ANK3: variants seen among roughly 807,000 people sequenced by gnomAD.
The protein encoded by ANK3 is ankyrin 3.
In ANK3, 57 loss-of-function variants were observed where a neutral mutation model predicts 370.9. The observed-to-expected ratio is 0.15, with a 90% CI of 0.12 to 0.19. ANK3 has a LOEUF of 0.19. Among genes scored for constraint, ANK3 ranks in the 10% least tolerant of loss-of-function variants. The pLI is 1.00. For missense variants in ANK3, 4,439 were observed against 5,302.1 expected (o/e 0.84, Z 5.06); for synonymous variants, 1,929 against 1,946.3 (o/e 0.99, Z 0.23).
chr10:60,570,288 T>A (rs150481358), intron 2 of ANK3, among the ~76,000 whole-genome samples: 1 of 152,260 alleles, frequency 6.6e-6, no homozygotes, highest in Non-Finnish European at 1.5e-5. Context: ...AAAGTAGGTA[T>A]CTGATAGCTT....
At chr10:60,538,785 A>T (rs2076781464) in intron 2 of ANK3, among the ~76,000 whole-genome samples, 1 of 152,032 alleles carries the variant, frequency 6.6e-6, no homozygotes, top group Non-Finnish European at 1.5e-5. Context: ...ACTGAATGAG[A>T]CACATACCAA....
At chr10:60,084,982 T>C (rs1357828956) in intron 31 of ANK3, 152 bp from the exon 32 acceptor site, 4 of 758,384 alleles carry the variant, frequency 5.3e-6, no homozygotes, top group Non-Finnish European at 6.1e-6. Flanking sequence ...GCTTTTTCGA[T>C]GTATCAAACA....
intron 24 of ANK3, chr10:60,138,460 AAC>A (rs2094442920): frequency 2.6e-6 from 1 of 381,906 alleles, no homozygotes; most frequent in African/African-American, 2.1e-5. Flanking sequence ...AAAATAATGG[AAC>A]AGTTTTAGAA....
chr10:60,650,098 T>A (rs945731214), intron 1 of ANK3, among the ~76,000 whole-genome samples: 5 of 152,186 alleles, frequency 3.3e-5, no homozygotes, highest in African/African-American at 1.2e-4. Flanking sequence ...ACAAAGCCAC[T>A]GAGATCATCG....
Position 60,042,777 on chromosome 10 carries a change from A to G in ANK3, c.13066-18T>C. ...TCTCCCTGCTTTGAAAGGAGTGTAC[A>G]TATTAAGATTTCACAGTGAAACAGT... is the stretch of plus-strand genomic sequence containing the variant. On this transcript the variant is annotated intron_variant, in intron 42 of 43. Coordinates refer to ENST00000280772, the MANE Select transcript of ANK3 (RefSeq NM_020987.5). 1 of 1,612,294 alleles carries G rather than the reference A, an allele frequency of 6.2e-7. No homozygotes were observed.
intron 2 of ANK3, among the ~76,000 whole-genome samples, chr10:60,533,357 G>A (rs1347865314): frequency 6.6e-6 from 1 of 152,126 alleles, no homozygotes; most frequent in Non-Finnish European, 1.5e-5. Context: ...CACCCTCCCA[G>A]GAGCTGGACA....
At chr10:60,517,814 G>C (rs1337807297) in intron 2 of ANK3, among the ~76,000 whole-genome samples, 1 of 151,972 alleles carries the variant, frequency 6.6e-6, no homozygotes, top group African/African-American at 2.4e-5. Context: ...GACTCTCCCA[G>C]GGTAGAGACA....
At chr10:60,534,273 TG>T (rs1342056732) in intron 2 of ANK3, among the ~76,000 whole-genome samples, 14 of 152,138 alleles carry the variant, frequency 9.2e-5, no homozygotes, top group African/African-American at 3.4e-4. Flanking sequence ...ACGTCCTGAG[TG>T]GGTGGCTAGG....
intron 5 of ANK3, among the ~76,000 whole-genome samples, chr10:60,267,097 T>C (rs2097893076): frequency 6.6e-6 from 1 of 152,142 alleles, no homozygotes; most frequent in Admixed American, 6.6e-5. Context: ...TGTGCCAGGC[T>C]TACTGAAAAA....
intron 1 of ANK3, among the ~76,000 whole-genome samples, chr10:60,351,790 G>A (rs2056912484): frequency 6.6e-6 from 1 of 152,092 alleles, no homozygotes; most frequent in South Asian, 2.1e-4. Context: ...CGGGGTCTCA[G>A]AGAACAGTTC....
chr10:60,129,489 C>T (rs1333172568), intron 25 of ANK3, among the ~76,000 whole-genome samples: 3 of 152,152 alleles, frequency 2.0e-5, no homozygotes, highest in African/African-American at 4.8e-5. Flanking sequence ...TGGTGGCTCA[C>T]ACCTATAATC....
rs533983912 is a variant in ANK3 at position 60,417,272 on chromosome 10, G to A, written c.97-137633C>T. Among the ~76,000 whole-genome samples, 350 of 152,270 alleles carry A rather than the reference G, an allele frequency of 2.3e-3. 2 individuals are homozygous for A. Among genetic ancestry groups the A allele is most frequent in the African/African-American group, 7.9e-3 (327 of 41,562 alleles). On this transcript the variant is annotated intron_variant, in intron 2 of 43. Transcript: ENST00000373827. The stretch of plus-strand genomic sequence containing the variant: ...TGTCATGAGTAAAAATGAATCATTA[G>A]GCCATGATCCAGGTGGTTTGAGAAA...
chr10:60,355,593 G>T (rs1336270062), intron 1 of ANK3, among the ~76,000 whole-genome samples: 1 of 152,150 alleles, frequency 6.6e-6, no homozygotes, highest in Non-Finnish European at 1.5e-5. Flanking sequence ...TGAGGAAAAA[G>T]ACAAGCTGGC....
intron 23 of ANK3, chr10:60,140,737 A>C: frequency 1.8e-6 from 2 of 1,127,732 alleles, no homozygotes; most frequent in Non-Finnish European, 1.1e-6. Context: ...GGTGACATAA[A>C]TGCAAGCCCC....
intron 2 of ANK3, among the ~76,000 whole-genome samples, chr10:60,496,157 G>A (rs1294118688): frequency 6.6e-6 from 1 of 152,020 alleles, no homozygotes; most frequent in Non-Finnish European, 1.5e-5. Context: ...TTTAGATGTG[G>A]ATACTACCAA....
intron 1 of ANK3, among the ~76,000 whole-genome samples, chr10:60,281,451 T>C (rs1456928808): frequency 6.6e-6 from 1 of 152,202 alleles, no homozygotes; most frequent in Non-Finnish European, 1.5e-5. Flanking sequence ...AACCACTGCT[T>C]TAAATAAACA....
intron 1 of ANK3, among the ~76,000 whole-genome samples, chr10:60,690,781 G>A (rs566150213): frequency 1.4e-4 from 21 of 152,258 alleles, no homozygotes; most frequent in Middle Eastern, 3.4e-3. Context: ...CAAGAGCTAC[G>A]CACTCAGAAG....
chr10:60,343,028 T>C (rs1263791996), intron 1 of ANK3, among the ~76,000 whole-genome samples: 4 of 152,150 alleles, frequency 2.6e-5, no homozygotes, highest in Non-Finnish European at 5.9e-5. Flanking sequence ...GTTCTTATGA[T>C]ACAGTGTAAG....
intron 40 of ANK3, chr10:60,059,831 G>A (rs866697632): frequency 9.3e-6 from 15 of 1,614,088 alleles, no homozygotes; most frequent in South Asian, 2.2e-5. Flanking sequence ...GTCCATCTGC[G>A]GAATGCTCTA....
Sources: gnomAD v4.1 joint callset for allele counts (sites outside exome capture counted in the v4.1 genomes callset) on GRCh38, gnomAD v4.1.1 for gene constraint, MANE v1.5 for transcripts, NCBI Gene and HGNC (gene_info 2026-07-23, HGNC 2026-07-21) for gene names.